FBXL13: variants seen among roughly 807,000 people sequenced by gnomAD.
FBXL13 encodes the protein F-box and leucine-rich repeat protein 13.
FBXL13 carries 67 observed loss-of-function variants against 83.6 expected under a neutral mutation model. That is an observed-to-expected ratio of 0.80 (90% CI 0.66 to 0.98). The LOEUF (loss-of-function observed/expected upper bound fraction) is 0.98. FBXL13 is among the 50% of genes least tolerant of loss of function. The probability of loss-of-function intolerance (pLI) is 0.00; values close to 1 mark genes in which losing one functional copy is unlikely to be tolerated. For missense variants in FBXL13, 822 were observed against 866.5 expected (o/e 0.95, Z 0.64); for synonymous variants, 272 against 299.5 (o/e 0.91, Z 0.95).
chr7:103,024,829 ATG>A (rs1202383471), intron 6 of FBXL13, among the ~76,000 whole-genome samples: 6 of 128,050 alleles, frequency 4.7e-5, no homozygotes, highest in African/African-American at 1.8e-4. Flanking sequence ...ATGTATATAT[ATG>A]TGTATATATA....
intron 8 of FBXL13, among the ~76,000 whole-genome samples, chr7:102,952,332 G>T (rs1305002483): frequency 6.6e-6 from 1 of 152,178 alleles, no homozygotes; most frequent in Non-Finnish European, 1.5e-5. Context: ...ACACATAAAA[G>T]TGGTTAAAAT....
At chr7:103,058,347 T>C (rs1797534300) in intron 1 of FBXL13, among the ~76,000 whole-genome samples, 1 of 152,212 alleles carries the variant, frequency 6.6e-6, no homozygotes, top group Admixed American at 6.5e-5. Flanking sequence ...GAGACTATAG[T>C]TGCACAGGAG....
At chr7:103,060,023 TATATATATA>T (rs1797714162) in intron 1 of FBXL13, among the ~76,000 whole-genome samples, 1 of 57,194 alleles carries the variant, frequency 1.7e-5, no homozygotes, top group Admixed American at 1.7e-4. Context: ...AGATATTTTA[TATATATATA>T]TATATATATA....
At position 102,822,036 on chromosome 7, in the gene FBXL13, T is replaced by C; in HGVS notation, c.2018+4A>G. ...AAGTTTGTCATAGTCAGGTACATAC[T>C]TACTTGGAAATATTTGTGCAGTATT... On this transcript the variant is annotated splice_donor_region_variant and intron_variant, in intron 19 of 19. Coordinates refer to ENST00000313221, the Ensembl canonical transcript of FBXL13. 1.9e-6 allele frequency: 3 copies of C among 1,614,158 alleles called. No homozygotes were observed. Among genetic ancestry groups the C allele is most frequent in the Non-Finnish European group, 2.5e-6 (3 of 1,179,998 alleles).
chr7:102,815,814 T>C (rs1166980942), intron 19 of FBXL13, among the ~76,000 whole-genome samples: 1 of 152,054 alleles, frequency 6.6e-6, no homozygotes, highest in African/African-American at 2.4e-5. Flanking sequence ...TTGAGTCCTA[T>C]GGTTGCTCAG....
At chr7:102,948,878 AT>A (rs1455613564) in intron 8 of FBXL13, among the ~76,000 whole-genome samples, 1 of 151,910 alleles carries the variant, frequency 6.6e-6, no homozygotes, top group East Asian at 1.9e-4. Context: ...TACCTGGCTA[AT>A]TTTTGTATTT....
chr7:102,812,336 G>C (rs939782083), downstream of FBXL13, among the ~76,000 whole-genome samples: 1 of 152,182 alleles, frequency 6.6e-6, no homozygotes, highest in Non-Finnish European at 1.5e-5. Context: ...AATTGAGGGA[G>C]CATCTTTTTT....
intron 6 of FBXL13, among the ~76,000 whole-genome samples, chr7:103,015,963 G>C (rs1303478452): frequency 6.6e-6 from 1 of 151,962 alleles, no homozygotes; most frequent in Non-Finnish European, 1.5e-5. Context: ...GGAGGTGAAA[G>C]ACCTCTACAA....
chr7:103,072,563 C>T (rs1799072716), intron 1 of FBXL13, among the ~76,000 whole-genome samples: 1 of 152,282 alleles, frequency 6.6e-6, no homozygotes, highest in Non-Finnish European at 1.5e-5. Flanking sequence ...AAGAGGCCAT[C>T]CCTTCCTTGA....
At chr7:102,854,732 A>T (rs2129451497) in intron 17 of FBXL13, 45 bp downstream of exon 18, 1 of 1,274,978 alleles carries the variant, frequency 7.8e-7, no homozygotes, top group East Asian at 2.6e-5. Flanking sequence ...AAAAAAAGAA[A>T]AATTTCAATC....
chr7:102,899,467 T>C (rs1812696699), intron 11 of FBXL13, among the ~76,000 whole-genome samples: 1 of 152,234 alleles, frequency 6.6e-6, no homozygotes, highest in Admixed American at 6.5e-5. Context: ...AAATTTCTTC[T>C]GTGCTGCTGG....
intron 19 of FBXL13, among the ~76,000 whole-genome samples, chr7:102,815,536 T>C (rs1424157623): frequency 6.6e-6 from 1 of 152,056 alleles, no homozygotes; most frequent in African/African-American, 2.4e-5. Flanking sequence ...AACACCAGAG[T>C]TCTGGACACA....
intron 11 of FBXL13, among the ~76,000 whole-genome samples, chr7:102,893,969 AGAAAGAAAGAAAGAG>A (rs1370084987): frequency 6.2e-5 from 9 of 145,396 alleles, no homozygotes; most frequent in Admixed American, 2.7e-4. Context: ...AAAGAGAGAA[AGAAAGAAAGAAAGAG>A]GAAAGAAAGA....
intron 8 of FBXL13, among the ~76,000 whole-genome samples, chr7:102,953,273 T>C (rs536269480): frequency 2.8e-4 from 43 of 151,948 alleles, no homozygotes; most frequent in South Asian, 2.1e-4. Context: ...GCAAAGAGAA[T>C]CCAGCACCAT....
At chr7:102,976,166 TG>T (rs1827416896) in intron 6 of FBXL13, 1 of 766,250 alleles carries the variant, frequency 1.3e-6, no homozygotes, top group African/African-American at 1.7e-5. Flanking sequence ...GATAGTGCCT[TG>T]GAACAGACAC....
At chr7:103,041,682 A>C (rs562573020) in intron 2 of FBXL13, among the ~76,000 whole-genome samples, 11 of 152,242 alleles carry the variant, frequency 7.2e-5, no homozygotes, top group Non-Finnish European at 1.6e-4. Context: ...GCAAATCAAT[A>C]AACATAATCC....
At chr7:102,867,545 GGAA>G (rs1197691349) in intron 16 of FBXL13, among the ~76,000 whole-genome samples, 1 of 151,194 alleles carries the variant, frequency 6.6e-6, no homozygotes, top group Non-Finnish European at 1.5e-5. Flanking sequence ...GGAGTCAGCT[GGAA>G]GCAGGGCTGC....
chr7:102,883,347 G>A, exon 14 of FBXL13: 1 of 1,613,368 alleles, frequency 6.2e-7, no homozygotes, highest in South Asian at 1.1e-5. Flanking sequence ...TTGCTTCAAA[G>A]GTGAAAGGGA....
At chr7:102,988,264 A>G (rs556533060) in intron 6 of FBXL13, 2 of 152,346 alleles carry the variant, frequency 1.3e-5, no homozygotes, top group African/African-American at 4.8e-5. Context: ...CACTGCTTCA[A>G]TGAAGGGTAA....
Sources: allele counts gnomAD v4.1 joint callset (sites outside exome capture counted in the v4.1 genomes callset), GRCh38; gene constraint gnomAD v4.1.1; transcripts MANE v1.5; gene names NCBI Gene and HGNC (gene_info 2026-07-23, HGNC 2026-07-21).